EPHB1: variants seen among roughly 807,000 people sequenced by gnomAD.
EPHB1 encodes the protein ephrin type-B receptor 1.
In EPHB1, 30 loss-of-function variants were observed where a neutral mutation model predicts 94.4. The observed-to-expected ratio is 0.32, with a 90% CI of 0.24 to 0.43. EPHB1 has a LOEUF of 0.43. EPHB1 is among the 20% of genes least tolerant of loss of function. The probability of loss-of-function intolerance (pLI) is 1.00; values close to 1 mark genes in which losing one functional copy is unlikely to be tolerated. For synonymous variants in EPHB1, 522 were observed against 489.1 expected (o/e 1.07, Z -0.89); for missense variants, 1,055 against 1,308.3 (o/e 0.81, Z 2.99).
chr3:134,910,818 A>G (rs930614190), intron 1 of EPHB1, among the ~76,000 whole-genome samples: 5 of 152,178 alleles, frequency 3.3e-5, no homozygotes, highest in African/African-American at 1.2e-4. Context: ...GGCTTCTCTC[A>G]TGGGTCGGCC....
At chr3:135,025,087 A>T (rs1023785130) in intron 3 of EPHB1, among the ~76,000 whole-genome samples, 73 of 145,404 alleles carry the variant, frequency 5.0e-4, no homozygotes, top group Non-Finnish European at 9.3e-4. Flanking sequence ...ATATCTATAC[A>T]ACCTTCCTTC....
intron 3 of EPHB1, among the ~76,000 whole-genome samples, chr3:135,052,792 C>T (rs1175021246): frequency 1.8e-4 from 23 of 124,538 alleles, no homozygotes; most frequent in African/African-American, 6.5e-4. Context: ...ACCCGGGAGG[C>T]GGAGCTTGCA....
intron 1 of EPHB1, chr3:134,841,596 CTT>C (rs1013852928): frequency 9.9e-5 from 15 of 152,190 alleles, no homozygotes; most frequent in African/African-American, 3.6e-4. Flanking sequence ...AAAGCTGACT[CTT>C]TGGAGTGAAC....
At chr3:135,041,699 A>G (rs1215590447) in intron 3 of EPHB1, among the ~76,000 whole-genome samples, 1 of 152,226 alleles carries the variant, frequency 6.6e-6, no homozygotes, top group Non-Finnish European at 1.5e-5. Flanking sequence ...TCCCTGTTTT[A>G]GTCATTTTGG....
intron 15 of EPHB1, among the ~76,000 whole-genome samples, chr3:135,254,630 A>G (rs1016798620): frequency 1.3e-5 from 2 of 152,154 alleles, no homozygotes; most frequent in African/African-American, 2.4e-5. Flanking sequence ...ATTTTATTGA[A>G]GATTTTAGCA....
intron 3 of EPHB1, among the ~76,000 whole-genome samples, chr3:135,055,251 C>T (rs912015904): frequency 1.2e-4 from 18 of 152,144 alleles, no homozygotes; most frequent in African/African-American, 4.1e-4. Context: ...AATGATTATG[C>T]ATAACACTTC....
intron 12 of EPHB1, among the ~76,000 whole-genome samples, chr3:135,218,983 G>T (rs1409123709): frequency 6.6e-6 from 1 of 152,202 alleles, no homozygotes; most frequent in Admixed American, 6.5e-5. Context: ...GACTCTGCTT[G>T]CTCAGCAAGG....
At chr3:135,139,775 G>A (rs1229329823) in intron 5 of EPHB1, among the ~76,000 whole-genome samples, 1 of 152,360 alleles carries the variant, frequency 6.6e-6, no homozygotes, top group African/African-American at 2.4e-5. Context: ...ACGTGTCGTT[G>A]CCAGAGAGCA....
chr3:135,066,972 A>G (rs1371618826), intron 3 of EPHB1, among the ~76,000 whole-genome samples: 8 of 152,062 alleles, frequency 5.3e-5, no homozygotes, highest in African/African-American at 1.9e-4. Context: ...CTGGGTCTAG[A>G]CACCCAGCAA....
At chr3:135,005,856 T>G (rs1935388913) in intron 3 of EPHB1, among the ~76,000 whole-genome samples, 1 of 152,230 alleles carries the variant, frequency 6.6e-6, no homozygotes, top group South Asian at 2.1e-4. Context: ...GCGCCCACTG[T>G]CTGGCACTCC....
chr3:135,003,596 A>G (rs28820423), intron 3 of EPHB1, among the ~76,000 whole-genome samples: 22 of 150,808 alleles, frequency 1.5e-4, no homozygotes, highest in East Asian at 3.9e-4. Flanking sequence ...GGGAGTCTAA[A>G]TCTCTTTGTA....
At chr3:135,030,445 C>G (rs1403115067) in intron 3 of EPHB1, among the ~76,000 whole-genome samples, 1 of 152,150 alleles carries the variant, frequency 6.6e-6, no homozygotes, top group African/African-American at 2.4e-5. Flanking sequence ...TTCTAACAGA[C>G]AGGACCCTCA....
At position 135,166,943 on chromosome 3, in the gene EPHB1, A is replaced by C. The variant is rs754177022; in HGVS notation, c.1696A>C (p.Lys566Gln). 1 of 1,614,142 alleles carries C rather than the reference A, an allele frequency of 6.2e-7. No individual in the cohort carries two copies. The change falls in exon 9 of 16, where the codon AAA becomes CAA. Residue 566 changes from lysine (K) to glutamine (Q), a missense_variant and splice_region_variant. Coordinates refer to ENST00000398015, the MANE Select transcript of EPHB1 (RefSeq NM_004441.5). ...LVAISIVCSR[K>Q]RAYSKEAVYS... is the part of the protein sequence containing the mutation. Reference sequence around the variant, plus strand: ...GAGAGCCCCTCTTTTTATCCACAGGAAACGGGCTTATAGCAAAGAGGCTGT... The same window carrying C: ...GAGAGCCCCTCTTTTTATCCACAGGCAACGGGCTTATAGCAAAGAGGCTGT...
chr3:135,102,988 A>G (rs1342337998), intron 3 of EPHB1, among the ~76,000 whole-genome samples: 1 of 152,160 alleles, frequency 6.6e-6, no homozygotes, highest in East Asian at 1.9e-4. Flanking sequence ...GGGTGGGGGC[A>G]AGGGGAAGGA....
Position 134,803,141 on chromosome 3 carries a change from A to T in EPHB1, c.58+7452A>T, listed in dbSNP as rs377017581. On this transcript the variant is annotated intron_variant, in intron 1 of 15. Coordinates refer to ENST00000398015, the MANE Select transcript of EPHB1 (RefSeq NM_004441.5). ...AACAGAACTGGGCCAATGTGGAAACACATAGGAGATTTTCTGAGAATTACC... is the reference window on the plus strand; with the variant it reads ...AACAGAACTGGGCCAATGTGGAAACTCATAGGAGATTTTCTGAGAATTACC... 6.0e-4 allele frequency among the ~76,000 whole-genome samples: 91 copies of T among 152,338 alleles called. 1 individual carries two copies. In the South Asian group the frequency reaches 0.01, roughly 17 times the overall value.
chr3:134,998,115 G>A (rs558328258), intron 3 of EPHB1, among the ~76,000 whole-genome samples: 17 of 152,252 alleles, frequency 1.1e-4, no homozygotes, highest in Admixed American at 5.9e-4. Context: ...CAGGTGGCAC[G>A]GCAGATCTAA....
chr3:135,253,236 T>C (rs1427677976), intron 15 of EPHB1, among the ~76,000 whole-genome samples: 559 of 151,426 alleles, frequency 3.7e-3, no homozygotes, highest in African/African-American at 0.012. Context: ...ATTTGTCAAT[T>C]TTGGCTTTTG....
At chr3:134,802,214 A>G (rs1299953653) in intron 1 of EPHB1, among the ~76,000 whole-genome samples, 1 of 151,948 alleles carries the variant, frequency 6.6e-6, no homozygotes, top group Admixed American at 6.5e-5. Flanking sequence ...AGGCGGGCGG[A>G]TCACGAGGTC....
chr3:134,936,284 G>A (rs921940043), intron 2 of EPHB1, among the ~76,000 whole-genome samples: 2 of 152,184 alleles, frequency 1.3e-5, no homozygotes, highest in Non-Finnish European at 2.9e-5. Flanking sequence ...AGGTAGAGGA[G>A]GTGGTTTGGG....
Sources: allele counts gnomAD v4.1 joint callset (sites outside exome capture counted in the v4.1 genomes callset), GRCh38; gene constraint gnomAD v4.1.1; transcripts MANE v1.5; gene names NCBI Gene and HGNC (gene_info 2026-07-23, HGNC 2026-07-21).